Variants in CDH12 observed in about 807,000 individuals in gnomAD.
CDH12 encodes cadherin-12.
CDH12 carries 41 observed loss-of-function variants against 74.1 expected under a neutral mutation model. The observed-to-expected ratio is 0.55, with a 90% CI of 0.43 to 0.72. The LOEUF is 0.72. Among genes scored for constraint, CDH12 ranks in the 30% least tolerant of loss-of-function variants. The pLI, the probability that CDH12 is intolerant of heterozygous loss-of-function variation, is 0.00. For missense variants in CDH12, 945 were observed against 977.2 expected (o/e 0.97, Z 0.44); for synonymous variants, 399 against 355.0 (o/e 1.12, Z -1.39).
intron 1 of CDH12, among the ~76,000 whole-genome samples, chr5:22,636,769 C>A (rs189833475): frequency 3.3e-5 from 5 of 152,144 alleles, no homozygotes; most frequent in African/African-American, 4.8e-5. Context: ...TGTGTATATA[C>A]TAAAAACCAT....
intron 1 of CDH12, among the ~76,000 whole-genome samples, chr5:22,634,008 T>G (rs887628259): frequency 1.3e-5 from 2 of 152,156 alleles, no homozygotes; most frequent in Non-Finnish European, 1.5e-5. Context: ...AGCTTTTGTA[T>G]AGTATTGAAA....
chr5:22,779,411 A>G (rs1169770481), intron 1 of CDH12, among the ~76,000 whole-genome samples: 2 of 152,042 alleles, frequency 1.3e-5, no homozygotes, highest in African/African-American at 2.4e-5. Flanking sequence ...AAAAAAATGC[A>G]TTTAATTGTT....
At chr5:22,162,087 C>T (rs1452091476) in intron 4 of CDH12, among the ~76,000 whole-genome samples, 1 of 150,470 alleles carries the variant, frequency 6.6e-6, no homozygotes, top group Non-Finnish European at 1.5e-5. Context: ...ACCCTTTACA[C>T]AGTTTTTCAT....
intron 3 of CDH12, among the ~76,000 whole-genome samples, chr5:22,382,069 T>C (rs1741779321): frequency 6.8e-6 from 1 of 147,088 alleles, no homozygotes; most frequent in Admixed American, 6.9e-5. Flanking sequence ...AATATTATAA[T>C]ACATAATATA....
chr5:22,239,462 T>A (rs1040270827), intron 3 of CDH12, among the ~76,000 whole-genome samples: 1 of 152,068 alleles, frequency 6.6e-6, no homozygotes, highest in Non-Finnish European at 1.5e-5. Flanking sequence ...TGCTAAGCAG[T>A]ATCTTCACAC....
chr5:22,456,551 C>G (rs1745283598), intron 2 of CDH12, among the ~76,000 whole-genome samples: 1 of 151,722 alleles, frequency 6.6e-6, no homozygotes. Flanking sequence ...CAGCACAGAA[C>G]AAAAGATTTA....
intron 1 of CDH12, among the ~76,000 whole-genome samples, chr5:22,737,258 A>G (rs1744777356): frequency 1.3e-5 from 2 of 151,900 alleles, no homozygotes; most frequent in African/African-American, 4.8e-5. Flanking sequence ...CCCTATTTTC[A>G]CTTCAAGATA....
chr5:22,447,972 T>C (rs1031584758), intron 2 of CDH12, among the ~76,000 whole-genome samples: 1 of 120,024 alleles, frequency 8.3e-6, no homozygotes, highest in African/African-American at 3.2e-5. Flanking sequence ...GAGGCCTCCT[T>C]TCTACAAGAA....
In CDH12 at chr5:22,231,457, C is replaced by G. The variant is rs574651442; in HGVS notation, c.-332-18814G>C. Among the ~76,000 whole-genome samples, 3 of 151,648 alleles carry G rather than the reference C, an allele frequency of 2.0e-5. No homozygotes were observed. The South Asian group carries it at 6.2e-4, about 32-fold the overall frequency. On this transcript the variant is annotated intron_variant, in intron 3 of 14. Coordinates refer to ENST00000382254, the MANE Select transcript of CDH12 (RefSeq NM_004061.5). ...TTAGGGGATTTTATGTTTAATACTA[C>G]TAATAAAATTAAATGAAAAAGATAT...
intron 1 of CDH12, among the ~76,000 whole-genome samples, chr5:22,660,575 C>T (rs1251237421): frequency 6.6e-6 from 1 of 152,168 alleles, no homozygotes; most frequent in African/African-American, 2.4e-5. Flanking sequence ...CCACGCCCAG[C>T]TAATTTTTCA....
At chr5:21,892,296 G>A (rs1752933835) in intron 6 of CDH12, among the ~76,000 whole-genome samples, 1 of 152,118 alleles carries the variant, frequency 6.6e-6, no homozygotes, top group Non-Finnish European at 1.5e-5. Flanking sequence ...GGCTCAGAGT[G>A]ATGTGGTTAT....
intron 1 of CDH12, among the ~76,000 whole-genome samples, chr5:22,603,794 A>T (rs949212924): frequency 2.0e-5 from 3 of 152,338 alleles, no homozygotes; most frequent in Middle Eastern, 3.4e-3. Flanking sequence ...AGAGAAAAAG[A>T]GATGAACCAT....
chr5:22,452,904 A>AAAAAAAG (rs70959732), intron 2 of CDH12, among the ~76,000 whole-genome samples: 1 of 132,036 alleles, frequency 7.6e-6, no homozygotes, highest in African/African-American at 2.9e-5. Context: ...AAAAAAAAAA[A>AAAAAAAG]TGAGTTAAAA....
intron 5 of CDH12, among the ~76,000 whole-genome samples, chr5:22,053,292 A>C (rs1018461582): frequency 1.3e-5 from 2 of 152,112 alleles, no homozygotes; most frequent in Non-Finnish European, 2.9e-5. Context: ...ATATGTCTCA[A>C]GTTATAACCC....
chr5:22,002,714 T>A (rs1287272492), intron 5 of CDH12, among the ~76,000 whole-genome samples: 11 of 152,054 alleles, frequency 7.2e-5, no homozygotes, highest in African/African-American at 2.4e-4. Context: ...CCATAACATG[T>A]CACATATCTC....
intron 1 of CDH12, among the ~76,000 whole-genome samples, chr5:22,845,506 C>T (rs1384511554): frequency 6.6e-6 from 1 of 152,074 alleles, no homozygotes; most frequent in Non-Finnish European, 1.5e-5. Flanking sequence ...CTGCTATGTG[C>T]CCTCTATGTG....
At chr5:22,697,489 G>A (rs1454143656) in intron 1 of CDH12, among the ~76,000 whole-genome samples, 2 of 149,480 alleles carry the variant, frequency 1.3e-5, no homozygotes, top group Admixed American at 6.7e-5. Flanking sequence ...GGAGAATGGC[G>A]TGAACCCGGG....
chr5:22,585,810 G>T (rs1405665998), intron 1 of CDH12, among the ~76,000 whole-genome samples: 2 of 151,182 alleles, frequency 1.3e-5, no homozygotes, highest in African/African-American at 4.9e-5. Context: ...TTTCAAAATT[G>T]CCCTTAGAAT....
intron 1 of CDH12, among the ~76,000 whole-genome samples, chr5:22,835,538 A>G (rs569861952): frequency 6.6e-6 from 1 of 152,288 alleles, no homozygotes; most frequent in African/African-American, 2.4e-5. Context: ...TAATCTTACT[A>G]ATAAGAAGAT....
Sources: gnomAD v4.1 joint callset for allele counts (sites outside exome capture counted in the v4.1 genomes callset) on GRCh38, gnomAD v4.1.1 for gene constraint, MANE v1.5 for transcripts, NCBI Gene and HGNC (gene_info 2026-07-23, HGNC 2026-07-21) for gene names.